Variants in SLC22A23 observed in about 807,000 individuals in gnomAD.
SLC22A23 encodes solute carrier family 22 member 23, also known as ion transporter protein.
A neutral mutation model predicts 61.0 loss-of-function variants in SLC22A23; 26 were observed. The ratio of observed to expected loss-of-function variants is 0.43; its 90% CI spans 0.31 to 0.59. The LOEUF (loss-of-function observed/expected upper bound fraction) is 0.59, where lower values mean the gene tolerates loss of function less well. Ranked by LOEUF, SLC22A23 falls within the 20% of genes least tolerant of loss-of-function variation. The pLI, the probability that SLC22A23 is intolerant of heterozygous loss-of-function variation, is 0.11. For missense variants in SLC22A23, 796 were observed against 934.7 expected (o/e 0.85, Z 1.94); for synonymous variants, 430 against 413.9 (o/e 1.04, Z -0.47).
At position 3,447,639 on chromosome 6, in the gene SLC22A23, A is replaced by C. The variant is rs1581906361; in HGVS notation, c.654+8267T>G. Among the ~76,000 whole-genome samples the C allele has an allele frequency of 2.3e-5, 3 of 128,740 alleles. No individual in the cohort carries two copies. The South Asian group carries it at 7.6e-4, about 32-fold the overall frequency. The allele number at this position is 128,740 out of a possible 152,430, so 84.5% of individuals were successfully genotyped here. On this transcript the variant is annotated intron_variant, in intron 1 of 9. Transcript: ENST00000406686. ...AGTCTTGCTCTGTTGCCCAGGCTGG[A>C]GTGCAGTGGTGCAATCTCGGCTCAC...
At chr6:3,382,049 G>C (rs557063436) in intron 3 of SLC22A23, among the ~76,000 whole-genome samples, 4 of 152,238 alleles carry the variant, frequency 2.6e-5, no homozygotes, top group African/African-American at 9.6e-5. Flanking sequence ...CTCAGTGGAG[G>C]TGGATCCTCC....
intron 5 of SLC22A23, chr6:3,292,070 A>G (rs1349238224): frequency 6.6e-6 from 1 of 152,256 alleles, no homozygotes; most frequent in Non-Finnish European, 1.5e-5. Flanking sequence ...ATATGTTTTC[A>G]GGAAGCACAT....
chr6:3,302,456 TCTTTC>T (rs1581652710), intron 4 of SLC22A23, among the ~76,000 whole-genome samples: 1 of 152,338 alleles, frequency 6.6e-6, no homozygotes, highest in Non-Finnish European at 1.5e-5. Flanking sequence ...CTTTATTATT[TCTTTC>T]CTTCTACTAC....
At position 3,286,669 on chromosome 6, in the gene SLC22A23, G is replaced by A. The variant is rs959593362; in HGVS notation, c.1546+190C>T. Among the ~76,000 whole-genome samples the A allele has an allele frequency of 3.3e-5, 5 of 152,204 alleles. No individual in the cohort carries two copies. Among genetic ancestry groups the A allele is most frequent in the South Asian group, 2.1e-4 (1 of 4,824 alleles). On this transcript the variant is annotated intron_variant, in intron 7 of 9. Transcript: ENST00000406686. The surrounding 1 kb of genome is among the most constrained non-coding windows in gnomAD (Gnocchi z 4.2). Reference sequence around the variant, plus strand: ...GGCCGGGGCAGGGGCAGGGGGAGGCGGGAAGGCCCAGTGCCCTCTAAGGCG... The same window carrying A: ...GGCCGGGGCAGGGGCAGGGGGAGGCAGGAAGGCCCAGTGCCCTCTAAGGCG...
At chr6:3,424,289 T>G (rs1446514272) in intron 1 of SLC22A23, among the ~76,000 whole-genome samples, 1 of 152,000 alleles carries the variant, frequency 6.6e-6, no homozygotes, top group Non-Finnish European at 1.5e-5. Context: ...ACACCCTCAT[T>G]CTCCCACTCC....
rs1758373835 is a variant in SLC22A23, at chr6:3,269,986, TAAACAA to T, written c.*3063_*3068del. The T allele has an allele frequency of 6.5e-6, 1 of 152,804 alleles. No individual in the cohort carries two copies. Among genetic ancestry groups the T allele is most frequent in the African/African-American group, 2.4e-5 (1 of 41,478 alleles). The allele number at this position is 152,804 out of a possible 1,614,324, so 9.5% of individuals were successfully genotyped here. On this transcript the variant is annotated 3_prime_UTR_variant, in exon 10 of 10. Coordinates refer to ENST00000406686, the MANE Select transcript of SLC22A23 (RefSeq NM_015482.2). ...CAGATGCAGGTGATCTTACTCTCAGTAAACAAAAACATGTAACCTTTTTCCTGTTTC... is the reference window on the plus strand; with the variant it reads ...CAGATGCAGGTGATCTTACTCTCAGTAAACATGTAACCTTTTTCCTGTTTC...
intron 3 of SLC22A23, among the ~76,000 whole-genome samples, chr6:3,376,529 T>A (rs1036900000): frequency 6.6e-6 from 1 of 152,120 alleles, no homozygotes; most frequent in Non-Finnish European, 1.5e-5. Context: ...CCCTCTCGAG[T>A]CCTTCCTTCC....
At position 3,425,970 on chromosome 6, in the gene SLC22A23, T is replaced by C. The variant is rs185175016; in HGVS notation, c.655-10115A>G. Among the ~76,000 whole-genome samples, 271 of 152,324 alleles carry C rather than the reference T, an allele frequency of 1.8e-3. 1 individual carries two copies. The highest frequency in any genetic ancestry group is 9.7e-3 in the South Asian group (47 of 4,828). ...GTTATAGCATTTGTCTGGACAAATATTCAATACACTTTATGTGCATATAGA... is the reference window on the plus strand; with the variant it reads ...GTTATAGCATTTGTCTGGACAAATACTCAATACACTTTATGTGCATATAGA... On this transcript the variant is annotated intron_variant, in intron 1 of 9. Transcript: ENST00000406686.
intron 1 of SLC22A23, among the ~76,000 whole-genome samples, chr6:3,439,955 G>A (rs929209274): frequency 6.6e-6 from 1 of 152,118 alleles, no homozygotes; most frequent in African/African-American, 2.4e-5. Context: ...TGGGGATGGA[G>A]GCAGGAGAGG....
In SLC22A23 at chr6:3,427,557, G is replaced by A. The variant is rs557690085; in HGVS notation, c.655-11702C>T. Among the ~76,000 whole-genome samples, 2 of 152,202 alleles carry A rather than the reference G, an allele frequency of 1.3e-5. No homozygotes were observed. The highest frequency in any genetic ancestry group is 3.9e-4 in the East Asian group (2 of 5,150). On this transcript the variant is annotated intron_variant, in intron 1 of 9. Transcript: ENST00000406686. The surrounding 1 kb of genome is among the most constrained non-coding windows in gnomAD (Gnocchi z 4.3). The stretch of plus-strand genomic sequence containing the variant: ...TTCATAGCTGGGAGATGCTGAAGGA[G>A]GAGCAGGTCCAGGTCTACCCGGGGC...
chr6:3,358,346 G>A (rs933813342), intron 3 of SLC22A23, among the ~76,000 whole-genome samples: 6 of 152,136 alleles, frequency 3.9e-5, no homozygotes, highest in Admixed American at 3.9e-4. Flanking sequence ...GATAGGTGAA[G>A]GGACACACGA....
chr6:3,333,959 G>C lies in SLC22A23; in HGVS notation c.914-9957C>G, dbSNP rs1763714242. Reference sequence around the variant, plus strand: ...CTCATAAGCGGATGAGGTTGGGAATGGTGATGCTGCTGCTTCAGGGAACAC... The same window carrying C: ...CTCATAAGCGGATGAGGTTGGGAATCGTGATGCTGCTGCTTCAGGGAACAC... On this transcript the variant is annotated intron_variant, in intron 3 of 9. Transcript: ENST00000406686. This position sits in a 1 kb window ranked among gnomAD's most constrained non-coding sequence, Gnocchi z 4.1. 6.6e-6 allele frequency among the ~76,000 whole-genome samples: 1 copy of C among 152,252 alleles called. No homozygotes were observed. The highest frequency in any genetic ancestry group is 2.4e-5 in the African/African-American group (1 of 41,468).
intron 3 of SLC22A23, among the ~76,000 whole-genome samples, chr6:3,398,184 C>G (rs1473827995): frequency 1.3e-5 from 2 of 152,220 alleles, no homozygotes; most frequent in African/African-American, 4.8e-5. Flanking sequence ...CTAAGCCCCA[C>G]AGGAACTTAG....
intron 2 of SLC22A23, among the ~76,000 whole-genome samples, chr6:3,413,767 T>C (rs959418526): frequency 3.3e-5 from 5 of 152,142 alleles, no homozygotes; most frequent in African/African-American, 1.2e-4. Flanking sequence ...TTTAAATGGG[T>C]TTATTTCCTT....
intron 1 of SLC22A23, among the ~76,000 whole-genome samples, chr6:3,421,280 T>TG (rs1184274488): frequency 1.3e-5 from 2 of 152,190 alleles, no homozygotes; most frequent in African/African-American, 4.8e-5. Flanking sequence ...TTACTTTAAA[T>TG]GGGGTCTACT....
chr6:3,370,937 T>A (rs1766178278), intron 3 of SLC22A23, among the ~76,000 whole-genome samples: 1 of 152,168 alleles, frequency 6.6e-6, no homozygotes, highest in African/African-American at 2.4e-5. Flanking sequence ...TTATTTTACT[T>A]AATCTCCAAG....
intron 1 of SLC22A23, among the ~76,000 whole-genome samples, chr6:3,433,985 C>T (rs148962240): frequency 1.4e-3 from 207 of 152,268 alleles, no homozygotes; most frequent in African/African-American, 4.3e-3. Flanking sequence ...TAACATCTGT[C>T]CATTTTACTA....
At chr6:3,362,440 A>AAAAAAC (rs1765537580) in intron 3 of SLC22A23, among the ~76,000 whole-genome samples, 1 of 137,160 alleles carries the variant, frequency 7.3e-6, no homozygotes, top group Non-Finnish European at 1.5e-5. Flanking sequence ...AAAAAATAAA[A>AAAAAAC]ATTAGCATGC....
chr6:3,408,290 GCTCA>G (rs1768966001), intron 3 of SLC22A23, among the ~76,000 whole-genome samples: 1 of 152,208 alleles, frequency 6.6e-6, no homozygotes, highest in Non-Finnish European at 1.5e-5. Context: ...GCTATAAACA[GCTCA>G]CTATGTAATC....
Sources: allele counts gnomAD v4.1 joint callset (sites outside exome capture counted in the v4.1 genomes callset), GRCh38; gene constraint gnomAD v4.1.1; non-coding constraint Gnocchi (gnomAD v3.1); transcripts MANE v1.5; gene names NCBI Gene and HGNC (gene_info 2026-07-23, HGNC 2026-07-21).